POU2AF1: variants seen among roughly 807,000 people sequenced by gnomAD.
POU2AF1 encodes POU domain class 2-associating factor 1.
A neutral mutation model predicts 26.3 loss-of-function variants in POU2AF1; 12 were observed. The observed-to-expected ratio is 0.46, with a 90% CI of 0.29 to 0.74. The LOEUF is 0.74. POU2AF1 is among the 30% of genes least tolerant of loss of function. The pLI, the probability that POU2AF1 is intolerant of heterozygous loss-of-function variation, is 0.09. For missense variants in POU2AF1, 297 were observed against 334.5 expected (o/e 0.89, Z 0.87); for synonymous variants, 175 against 148.0 (o/e 1.18, Z -1.32).
intron 1 of POU2AF1, among the ~76,000 whole-genome samples, chr11:111,378,403 C>T (rs1361362067): frequency 6.6e-6 from 1 of 152,090 alleles, no homozygotes; most frequent in African/African-American, 2.4e-5. Context: ...CTGTTTACCT[C>T]GTGAAAAGAA....
chr11:111,367,581 G>A (rs1294063857), intron 1 of POU2AF1, among the ~76,000 whole-genome samples: 3 of 151,042 alleles, frequency 2.0e-5, no homozygotes, highest in Admixed American at 6.7e-5. Context: ...GTCTCTGCCC[G>A]AGCAAGTCCC....
chr11:111,358,497 TTC>T (rs148606631), intron 2 of POU2AF1, among the ~76,000 whole-genome samples: 18 of 65,046 alleles, frequency 2.8e-4, no homozygotes, highest in Non-Finnish European at 4.8e-4. Context: ...CACATACACA[TTC>T]TCTCTCACAC....
rs116351295 is a variant in POU2AF1 at position 111,354,155 on chromosome 11, T to A, written c.*106A>T. 1,896 of 1,220,678 alleles carry A rather than the reference T, an allele frequency of 1.6e-3. 31 individuals carry two copies. The African/African-American group carries it at 0.026, about 17-fold the overall frequency. 75.6% of individuals were successfully genotyped at this position (1,220,678 alleles called of 1,614,324 possible). ...TACAATTCTAGCTGTGCGTAGAAAG[T>A]GTAGTCATGAAATGACTACTCCAAA... On this transcript the variant is annotated 3_prime_UTR_variant, in exon 5 of 5. Coordinates refer to ENST00000393067, the MANE Select transcript of POU2AF1 (RefSeq NM_006235.3).
At chr11:111,377,452 A>G (rs4489781) in intron 1 of POU2AF1, among the ~76,000 whole-genome samples, 95,905 of 151,986 alleles carry the variant, frequency 0.63, 32,113 homozygotes, top group Admixed American at 0.76. Context: ...AATGTACTAC[A>G]GAACCAAGAG....
intron 1 of POU2AF1, among the ~76,000 whole-genome samples, chr11:111,372,059 C>CAGAGAG (rs1257581791): frequency 5.1e-4 from 73 of 143,878 alleles, no homozygotes; most frequent in African/African-American, 1.8e-3. Flanking sequence ...CACACACACA[C>CAGAGAG]ACACACACAC....
intron 2 of POU2AF1, among the ~76,000 whole-genome samples, 190 bp from the exon 3 acceptor site, chr11:111,358,027 A>G (rs1231645406): frequency 6.6e-6 from 1 of 152,134 alleles, no homozygotes; most frequent in Non-Finnish European, 1.5e-5. Context: ...TCTATTTAGC[A>G]GGAAGTCTGT....
At chr11:111,373,328 G>T (rs1032211986) in intron 1 of POU2AF1, among the ~76,000 whole-genome samples, 7 of 152,168 alleles carry the variant, frequency 4.6e-5, no homozygotes, top group African/African-American at 1.7e-4. Context: ...CTCCAGGTCA[G>T]CAGTTCTCAG....
At chr11:111,360,028 C>T in intron 1 of POU2AF1, 1 of 519,022 alleles carries the variant, frequency 1.9e-6, no homozygotes, top group Admixed American at 1.9e-5. Flanking sequence ...GGAAGGTTTC[C>T]TTCCCCTCTT....
intron 1 of POU2AF1, among the ~76,000 whole-genome samples, chr11:111,374,236 G>A (rs1861267044): frequency 1.4e-5 from 2 of 148,140 alleles, no homozygotes; most frequent in Non-Finnish European, 3.0e-5. Flanking sequence ...ATTTTCTTTA[G>A]TAAATAAATA....
chr11:111,358,670 A>C (rs1455075105), intron 2 of POU2AF1, 118 bp downstream of exon 2: 1 of 1,259,098 alleles, frequency 7.9e-7, no homozygotes, highest in Non-Finnish European at 1.1e-6. Flanking sequence ...TATCACACAC[A>C]AACACATACA....
intron 1 of POU2AF1, among the ~76,000 whole-genome samples, chr11:111,373,214 G>A (rs1178727358): frequency 6.6e-6 from 1 of 152,180 alleles, no homozygotes; most frequent in Non-Finnish European, 1.5e-5. Context: ...CACCAAATAA[G>A]TTCTCCATTC....
chr11:111,376,419 G>A (rs1408697508), intron 1 of POU2AF1, among the ~76,000 whole-genome samples: 1 of 152,168 alleles, frequency 6.6e-6, no homozygotes, highest in East Asian at 1.9e-4. Flanking sequence ...AGAACCCAGG[G>A]AGAGAATCTA....
chr11:111,367,804 G>A (rs575356673), intron 1 of POU2AF1, among the ~76,000 whole-genome samples: 2 of 152,330 alleles, frequency 1.3e-5, no homozygotes, highest in East Asian at 1.9e-4. Context: ...GAGGAGTGAC[G>A]AGAACTGAGA....
intron 4 of POU2AF1, among the ~76,000 whole-genome samples, 156 bp from the exon 5 acceptor site, chr11:111,354,731 C>G (rs1440581884): frequency 6.6e-6 from 1 of 152,134 alleles, no homozygotes; most frequent in South Asian, 2.1e-4. Context: ...AAAGTCTTCC[C>G]CAAGGGAGGA....
chr11:111,366,190 T>C (rs1268005046), intron 1 of POU2AF1, among the ~76,000 whole-genome samples: 2 of 152,258 alleles, frequency 1.3e-5, no homozygotes, highest in African/African-American at 2.4e-5. Flanking sequence ...TGGTGTTTAA[T>C]GTAGGCCAAC....
chr11:111,378,287 GA>G (rs1861347860), intron 1 of POU2AF1, among the ~76,000 whole-genome samples: 1 of 152,170 alleles, frequency 6.6e-6, no homozygotes, highest in Admixed American at 6.5e-5. Context: ...AAGGAACCAA[GA>G]ATCTTTAAGA....
chr11:111,358,567 C>G lies in POU2AF1; in HGVS notation c.147+221G>C, dbSNP rs1860928014. On this transcript the variant is annotated intron_variant, in intron 2 of 4. Transcript: ENST00000393067. ...ACACATACACACTCACATGCATACA[C>G]TCACACACTCACACTCCCTCACACA... Among the ~76,000 whole-genome samples the G allele has an allele frequency of 2.0e-5, 3 of 148,990 alleles. No individual in the cohort carries two copies. The Admixed American group carries it at 2.0e-4, about 10-fold the overall frequency.
intron 1 of POU2AF1, chr11:111,363,030 G>C (rs1861040758): frequency 1.5e-6 from 1 of 679,388 alleles, no homozygotes; most frequent in Admixed American, 6.2e-5. Flanking sequence ...GCCTCCTACT[G>C]TTTCTAAGTC....
At chr11:111,367,638 T>C (rs1752190531) in intron 1 of POU2AF1, among the ~76,000 whole-genome samples, 1 of 152,152 alleles carries the variant, frequency 6.6e-6, no homozygotes, top group Non-Finnish European at 1.5e-5. Flanking sequence ...AAATGATTCC[T>C]GGCCCCATCC....
Sources: allele counts gnomAD v4.1 joint callset (sites outside exome capture counted in the v4.1 genomes callset), GRCh38; gene constraint gnomAD v4.1.1; transcripts MANE v1.5; gene names NCBI Gene and HGNC (gene_info 2026-07-23, HGNC 2026-07-21).